Variants in CPD observed in about 807,000 individuals in gnomAD.
CPD encodes the protein metallocarboxypeptidase D.
A neutral mutation model predicts 138.3 loss-of-function variants in CPD; 69 were observed. The observed-to-expected ratio is 0.50, with a 90% CI of 0.41 to 0.61. CPD has a LOEUF of 0.61. CPD is among the 20% of genes least tolerant of loss of function. The pLI is 0.00. For missense variants in CPD, 1,432 were observed against 1,733.3 expected (o/e 0.83, Z 3.09); for synonymous variants, 651 against 642.1 (o/e 1.01, Z -0.21).
intron 8 of CPD, among the ~76,000 whole-genome samples, chr17:30,436,095 A>C (rs1434796212): frequency 6.6e-6 from 1 of 152,202 alleles, no homozygotes; most frequent in Non-Finnish European, 1.5e-5. Context: ...TTAGGACTTC[A>C]ATATATTTTT....
intron 2 of CPD, among the ~76,000 whole-genome samples, chr17:30,413,498 TA>T (rs1270817921): frequency 6.6e-6 from 1 of 152,204 alleles, no homozygotes; most frequent in Non-Finnish European, 1.5e-5. Context: ...GACATCCCCA[TA>T]TGGATATTCA....
At chr17:30,419,835 A>G (rs1465179142) in intron 2 of CPD, among the ~76,000 whole-genome samples, 3 of 152,228 alleles carry the variant, frequency 2.0e-5, no homozygotes, top group African/African-American at 4.8e-5. Context: ...AATGCTTGGC[A>G]TTATTTGTAA....
chr17:30,393,005 G>T (rs987419430), intron 2 of CPD, among the ~76,000 whole-genome samples: 5 of 152,174 alleles, frequency 3.3e-5, no homozygotes, highest in African/African-American at 1.2e-4. Context: ...TAAACTTGAG[G>T]CTGAGCCTTT....
intron 1 of CPD, 35 bp from the exon 2 acceptor site, chr17:30,384,954 T>C (rs1911140208): frequency 1.3e-6 from 2 of 1,594,028 alleles, no homozygotes; most frequent in Admixed American, 3.5e-5. Context: ...TTGTGTCCTT[T>C]TTTAGTGATA....
At chr17:30,407,957 G>A (rs564661928) in intron 2 of CPD, among the ~76,000 whole-genome samples, 20 of 152,202 alleles carry the variant, frequency 1.3e-4, no homozygotes, top group South Asian at 4.1e-4. Context: ...TAGGTCGTAC[G>A]TTTAATTCTT....
intron 8 of CPD, among the ~76,000 whole-genome samples, chr17:30,432,365 C>G (rs1912586576): frequency 6.6e-6 from 1 of 152,120 alleles, no homozygotes; most frequent in South Asian, 2.1e-4. Context: ...ATCCAGTGAT[C>G]AAAGGGCAAA....
Position 30,461,973 on chromosome 17 carries a change from A to G in CPD, c.3727A>G (p.Lys1243Glu). Residue 1243 changes from lysine (K) to glutamate (E), a missense_variant, in exon 19 of 21, where the codon AAA (lysine) becomes GAA (glutamate). This residue lies in a region of CPD where 366 missense variants were observed against 518.8 expected (regional missense o/e 0.71). Coordinates refer to ENST00000225719, the MANE Select transcript of CPD (RefSeq NM_001304.5). Reference sequence around the variant, plus strand: ...TAATGAAGGAATAAAGGTACAAACAAAAGAGGGAGGTTATTTCCATGTACT... The same window carrying G: ...TAATGAAGGAATAAAGGTACAAACAGAAGAGGGAGGTTATTTCCATGTACT... ...VLNEGIKVQTKEGGYFHVLLA... is the reference protein window; with the variant it reads ...VLNEGIKVQTEEGGYFHVLLA... 6.2e-7 allele frequency: 1 copy of G among 1,614,012 alleles called. No individual in the cohort carries two copies. The highest frequency in any genetic ancestry group is 8.5e-7 in the Non-Finnish European group (1 of 1,179,930).
At chr17:30,403,755 T>A (rs1323302860) in intron 2 of CPD, among the ~76,000 whole-genome samples, 1 of 152,162 alleles carries the variant, frequency 6.6e-6, no homozygotes, top group African/African-American at 2.4e-5. Context: ...TTAAACTTAC[T>A]ATAAGATCCC....
rs1343843786 is a variant in CPD at position 30,455,406 on chromosome 17, T to C, written c.3273T>C (p.Leu1091=). ...TGATTCAAAAACAGGACTTTAGTCTTTCTGTTGCCTTAGATGGTGGTTCCA... is the reference window on the plus strand; with the variant it reads ...TGATTCAAAAACAGGACTTTAGTCTCTCTGTTGCCTTAGATGGTGGTTCCA... ...ENLIQKQDFS[L]SVALDGGSML... The change falls in exon 15 of 21, where the codon CTT becomes CTC. Residue 1091 remains leucine (L), a synonymous_variant. Transcript: ENST00000225719. 1.2e-6 allele frequency: 2 copies of C among 1,613,938 alleles called. No individual in the cohort carries two copies. The highest frequency in any genetic ancestry group is 3.3e-5 in the Admixed American group (2 of 60,010).
intron 2 of CPD, among the ~76,000 whole-genome samples, chr17:30,408,136 G>T (rs1418841675): frequency 6.6e-6 from 1 of 152,096 alleles, no homozygotes; most frequent in African/African-American, 2.4e-5. Flanking sequence ...TAGATGTGTG[G>T]TGTTATTTCT....
At chr17:30,450,546 T>C (rs1418196167) in intron 13 of CPD, among the ~76,000 whole-genome samples, 1 of 152,182 alleles carries the variant, frequency 6.6e-6, no homozygotes, top group Admixed American at 6.5e-5. Flanking sequence ...TTATCTACTT[T>C]AGCAATCTGT....
intron 2 of CPD, among the ~76,000 whole-genome samples, chr17:30,408,963 G>A (rs920710365): frequency 1.3e-5 from 2 of 152,036 alleles, no homozygotes; most frequent in East Asian, 3.9e-4. Context: ...GGGAATGCTT[G>A]CCCATTCAGT....
rs368414476 is a variant in CPD, at chr17:30,442,276, C to T, written c.2231-32C>T. On this transcript the variant is annotated intron_variant, in intron 9 of 20. Transcript: ENST00000225719. ...GGATCTGAGCTGTTTAGAACTTCTT[C>T]AGAGTGACTAATTTTAATTTTTATC... 3.7e-6 allele frequency: 6 copies of T among 1,604,322 alleles called. No individual in the cohort carries two copies. In the African/African-American group the frequency reaches 8.0e-5, roughly 21 times the overall value.
chr17:30,430,876 C>T (rs1912544679), intron 7 of CPD, among the ~76,000 whole-genome samples: 1 of 152,148 alleles, frequency 6.6e-6, no homozygotes, highest in Admixed American at 6.5e-5. Context: ...TGATCTTGAA[C>T]TCTTGGGCTC....
Position 30,427,400 on chromosome 17 carries a change from T to C in CPD, c.1859T>C (p.Ile620Thr). The C allele has an allele frequency of 6.2e-7, 1 of 1,613,978 alleles. No individual in the cohort carries two copies. The highest frequency in any genetic ancestry group is 8.5e-7 in the Non-Finnish European group (1 of 1,179,878). ...GYEKSQEGDS[I>T]SVIGRNNSNN... Reference sequence around the variant, plus strand: ...TTATCATATCATACAGGAGATTCAATAAGTGTAATTGGCAGAAACAACAGC... The same window carrying C: ...TTATCATATCATACAGGAGATTCAACAAGTGTAATTGGCAGAAACAACAGC... Residue 620 changes from isoleucine to threonine, a missense_variant, in exon 7 of 21, where the codon ATA becomes ACA. This residue lies in a region of CPD where 297 missense variants were observed against 405.3 expected (regional missense o/e 0.73). Transcript: ENST00000225719.
rs954582445 is a variant in CPD at position 30,400,097 on chromosome 17, T to C, written c.994+14861T>C. Among the ~76,000 whole-genome samples, 57 of 152,348 alleles carry C rather than the reference T, an allele frequency of 3.7e-4. 1 individual carries two copies. The highest frequency in any genetic ancestry group is 1.3e-3 in the African/African-American group (53 of 41,574). On this transcript the variant is annotated intron_variant, in intron 2 of 20. Transcript: ENST00000225719. ...TTTACAATTCCTGTCTTTTAGTTGG[T>C]GTGTTTGCACCATTTACACTGAATA...
chr17:30,455,708 C>T (rs559258810), intron 15 of CPD: 8 of 414,540 alleles, frequency 1.9e-5, no homozygotes, highest in Admixed American at 1.2e-4. Flanking sequence ...CCATTTAGTC[C>T]ACAAGCATTT....
chr17:30,383,366 G>T (rs1393591593), intron 1 of CPD, among the ~76,000 whole-genome samples: 2 of 152,128 alleles, frequency 1.3e-5, no homozygotes, highest in Non-Finnish European at 2.9e-5. Flanking sequence ...CAAATGAAAG[G>T]AAAACTGAGG....
chr17:30,437,512 C>A (rs1912733454), intron 8 of CPD, among the ~76,000 whole-genome samples: 1 of 152,018 alleles, frequency 6.6e-6, no homozygotes. Flanking sequence ...TAGTCAAACC[C>A]CATCCCTACA....
Sources: gnomAD v4.1 joint callset for allele counts (sites outside exome capture counted in the v4.1 genomes callset) on GRCh38, gnomAD v4.1.1 for gene constraint, gnomAD v4.1.1 regional missense constraint, MANE v1.5 for transcripts, NCBI Gene and HGNC (gene_info 2026-07-23, HGNC 2026-07-21) for gene names.